Variants in TRAPPC12 observed in about 807,000 individuals in gnomAD.
The protein encoded by TRAPPC12 is trafficking protein particle complex subunit 12.
Under a neutral mutation model 69.2 loss-of-function variants are expected in TRAPPC12, and 61 were observed. The observed-to-expected ratio is 0.88, with a 90% CI of 0.72 to 1.09. The LOEUF is 1.09. Among genes scored for constraint, TRAPPC12 ranks in the 50% least tolerant of loss-of-function variants. The probability of loss-of-function intolerance (pLI) is 0.00; values close to 1 mark genes in which losing one functional copy is unlikely to be tolerated. For synonymous variants in TRAPPC12, 469 were observed against 438.9 expected, an observed-to-expected ratio of 1.07 and a Z score of -0.86; for missense variants, 1,101 against 1,016.4, an observed-to-expected ratio of 1.08 and a Z score of -1.13.
chr2:3,386,504 C>T (rs1322114397), intron 1 of TRAPPC12, among the ~76,000 whole-genome samples: 3 of 152,132 alleles, frequency 2.0e-5, no homozygotes, highest in Admixed American at 6.6e-5. Context: ...GCAGCTGTCT[C>T]GAGGGGTGTT....
At chr2:3,432,910 A>G (rs1159698136) in intron 5 of TRAPPC12, among the ~76,000 whole-genome samples, 2 of 152,230 alleles carry the variant, frequency 1.3e-5, no homozygotes, top group Non-Finnish European at 2.9e-5. Flanking sequence ...ACTGTGGCAG[A>G]CGCGTACAGA....
rs553210925 is a variant in TRAPPC12, at chr2:3,430,841, G to A, written c.1417+6178G>A. ...ACAGCTTTCCAAAACGTTTCCTAAGGGAGCTGCTGCACACTGTTGCTGGGA... is the reference window on the plus strand; with the variant it reads ...ACAGCTTTCCAAAACGTTTCCTAAGAGAGCTGCTGCACACTGTTGCTGGGA... On this transcript the variant is annotated intron_variant, in intron 5 of 11. Coordinates refer to ENST00000324266, the MANE Select transcript of TRAPPC12 (RefSeq NM_016030.6). 4.6e-5 allele frequency among the ~76,000 whole-genome samples: 7 copies of A among 152,310 alleles called. No homozygotes were observed. The East Asian group carries it at 1.4e-3, about 29-fold the overall frequency.
rs1342729317 is a variant in TRAPPC12 at position 3,388,084 on chromosome 2, C to G, written c.461C>G (p.Ala154Gly). 1.9e-6 allele frequency: 3 copies of G among 1,538,606 alleles called. No homozygotes were observed. The South Asian group carries it at 3.6e-5, about 18-fold the overall frequency. ...AARPEQEPPVAEPVPVCTIFS... is the reference protein window; with the variant it reads ...AARPEQEPPVGEPVPVCTIFS... ...CGCCCGGAGCAGGAGCCTCCCGTTG[C>G]GGAGCCGGTCCCGGTGTGCACCATC... The change falls in exon 2 of 12, where the codon GCG becomes GGG. Residue 154 changes from alanine to glycine, a missense_variant. Physicochemically the swap from Ala to Gly is moderately conservative, Grantham distance 60. Transcript: ENST00000324266.
chr2:3,409,769 A>ATTTTTTTTTTTTTTTTTTT (rs1325184612), intron 3 of TRAPPC12, among the ~76,000 whole-genome samples: 4 of 149,732 alleles, frequency 2.7e-5, no homozygotes, highest in African/African-American at 5.0e-5. Context: ...AAAAAAAAAA[A>ATTTTTTTTTTTTTTTTTTT]AAAAAAAAAG....
At chr2:3,438,919 C>G (rs1023433789) in intron 5 of TRAPPC12, among the ~76,000 whole-genome samples, 5 of 151,768 alleles carry the variant, frequency 3.3e-5, no homozygotes, top group African/African-American at 1.2e-4. Flanking sequence ...TGTGTAGATA[C>G]AAGTTTTATC....
At chr2:3,380,881 G>C (rs1219773820) in intron 1 of TRAPPC12, among the ~76,000 whole-genome samples, 1 of 152,172 alleles carries the variant, frequency 6.6e-6, no homozygotes, top group African/African-American at 2.4e-5. Flanking sequence ...TTATTCTGAT[G>C]TACCATCTAA....
chr2:3,426,814 C>T lies in TRAPPC12; in HGVS notation c.1417+2151C>T, dbSNP rs542557109. Among the ~76,000 whole-genome samples, 16 of 152,366 alleles carry T rather than the reference C, an allele frequency of 1.1e-4. No homozygotes were observed. In the South Asian group the frequency reaches 3.3e-3, roughly 32 times the overall value. ...TCTACGTCCCTCCCAAAGTTCCGTC[C>T]AGTCCGCACGTAGGTGGTTCCCACA... is the stretch of plus-strand genomic sequence containing the variant. On this transcript the variant is annotated intron_variant, in intron 5 of 11. Coordinates refer to ENST00000324266, the MANE Select transcript of TRAPPC12 (RefSeq NM_016030.6).
rs545823727 is a variant in TRAPPC12, at chr2:3,422,705, C to T, written c.1278+711C>T. 9.3e-4 allele frequency among the ~76,000 whole-genome samples: 141 copies of T among 152,304 alleles called. 1 individual carries two copies. Among genetic ancestry groups the T allele is most frequent in the African/African-American group, 3.2e-3 (134 of 41,566 alleles). ...TCCTTCTTTCTCTTCCCCCAAGAGCCGACAAGAAGAGCCGCTCTAGCTTTA... is the reference window on the plus strand; with the variant it reads ...TCCTTCTTTCTCTTCCCCCAAGAGCTGACAAGAAGAGCCGCTCTAGCTTTA... On this transcript the variant is annotated intron_variant, in intron 4 of 11. Coordinates refer to ENST00000324266, the MANE Select transcript of TRAPPC12 (RefSeq NM_016030.6).
intron 9 of TRAPPC12, among the ~76,000 whole-genome samples, chr2:3,472,148 CA>C (rs1666085667): frequency 6.6e-6 from 1 of 152,162 alleles, no homozygotes; most frequent in Non-Finnish European, 1.5e-5. Context: ...CAGCAAGAAC[CA>C]AGGTCACCTC....
chr2:3,444,370 A>T (rs1232845694), intron 6 of TRAPPC12, among the ~76,000 whole-genome samples: 2 of 152,232 alleles, frequency 1.3e-5, no homozygotes, highest in South Asian at 2.1e-4. Flanking sequence ...GCAGAGTCGG[A>T]GTGTTTTCGG....
intron 6 of TRAPPC12, among the ~76,000 whole-genome samples, chr2:3,451,052 G>A (rs1664824194): frequency 6.6e-6 from 1 of 152,194 alleles, no homozygotes; most frequent in Admixed American, 6.5e-5. Flanking sequence ...CTTTAAATAT[G>A]AATAGGTTAC....
intron 4 of TRAPPC12, among the ~76,000 whole-genome samples, chr2:3,423,626 TA>T (rs965866433): frequency 3.9e-5 from 6 of 152,104 alleles, no homozygotes; most frequent in Admixed American, 3.9e-4. Context: ...CTTGTTTGTC[TA>T]ACGTCATGTC....
At chr2:3,466,211 G>C (rs1198540933) in intron 9 of TRAPPC12, 1 of 460,074 alleles carries the variant, frequency 2.2e-6, no homozygotes, top group South Asian at 1.6e-5. Context: ...GTCACAGGGA[G>C]TGATGAGTCC....
intron 8 of TRAPPC12, 144 bp from the exon 9 acceptor site, chr2:3,465,453 G>C: frequency 1.6e-6 from 1 of 621,910 alleles, no homozygotes; most frequent in Non-Finnish European, 2.8e-6. Context: ...AGCACCGCGT[G>C]CTGGTTTCCA....
chr2:3,407,775 G>A (rs1292773560), intron 3 of TRAPPC12, among the ~76,000 whole-genome samples: 2 of 151,674 alleles, frequency 1.3e-5, no homozygotes, highest in Admixed American at 6.6e-5. Context: ...CAGCCTGGGC[G>A]ACAGAGCAAG....
At chr2:3,428,756 C>T (rs1231854455) in intron 5 of TRAPPC12, among the ~76,000 whole-genome samples, 1 of 152,162 alleles carries the variant, frequency 6.6e-6, no homozygotes, top group African/African-American at 2.4e-5. Flanking sequence ...CTCCTGCACA[C>T]AGGAAGAATC....
In TRAPPC12 at chr2:3,460,711, A is replaced by G. The variant is rs1336113714; in HGVS notation, c.1677+375A>G. ...TTCACCTCATGGTTTTGATTTTATGATTGATGCTTACAACACCTGAAGACA... is the reference window on the plus strand; with the variant it reads ...TTCACCTCATGGTTTTGATTTTATGGTTGATGCTTACAACACCTGAAGACA... On this transcript the variant is annotated intron_variant, in intron 8 of 11. Coordinates refer to ENST00000324266, the MANE Select transcript of TRAPPC12 (RefSeq NM_016030.6). The G allele has an allele frequency of 1.5e-5, 3 of 200,528 alleles. No individual in the cohort carries two copies. In the Admixed American group the frequency reaches 1.6e-4, roughly 11 times the overall value. 12.4% of individuals were successfully genotyped at this position (200,528 alleles called of 1,614,324 possible).
Position 3,460,397 on chromosome 2 carries a change from G to T in TRAPPC12, c.1677+61G>T, listed in dbSNP as rs371575782. ...TGGAAGAGCGGGGTCAGTGGGAGCC[G>T]CGAGGGAGCCGCTGGTATAATAGAT... On this transcript the variant is annotated intron_variant, in intron 8 of 11. Coordinates refer to ENST00000324266, the MANE Select transcript of TRAPPC12 (RefSeq NM_016030.6). 13 of 825,536 alleles carry T rather than the reference G, an allele frequency of 1.6e-5. No homozygotes were observed. In the African/African-American group the frequency reaches 1.7e-4, roughly 11 times the overall value. 51.1% of individuals were successfully genotyped at this position (825,536 alleles called of 1,614,324 possible). A position where few individuals can be genotyped will look rare whatever the true frequency, so the allele number is the denominator to read the frequency against.
At chr2:3,402,027 A>T (rs568736922) in intron 3 of TRAPPC12, 134 bp downstream of exon 3, 1 of 635,456 alleles carries the variant, frequency 1.6e-6, no homozygotes, top group East Asian at 2.8e-5. Context: ...TTGTTGGAGT[A>T]GATGCCAGTC....
Sources: allele counts gnomAD v4.1 joint callset (sites outside exome capture counted in the v4.1 genomes callset), GRCh38; gene constraint gnomAD v4.1.1; transcripts MANE v1.5; gene names NCBI Gene and HGNC (gene_info 2026-07-23, HGNC 2026-07-21).